Variants in ZSCAN25 observed in about 807,000 individuals in gnomAD.
The protein encoded by ZSCAN25 is zinc finger and SCAN domain-containing protein 25.
Under a neutral mutation model 38.7 loss-of-function variants are expected in ZSCAN25, and 27 were observed. The ratio of observed to expected loss-of-function variants is 0.70; its 90% CI spans 0.51 to 0.96. The LOEUF is 0.96. ZSCAN25 is among the 40% of genes least tolerant of loss of function. The probability of loss-of-function intolerance (pLI) is 0.00; values close to 1 mark genes in which losing one functional copy is unlikely to be tolerated. For synonymous variants in ZSCAN25, 273 were observed against 277.7 expected, an observed-to-expected ratio of 0.98 and a Z score of 0.17; for missense variants, 637 against 705.9, an observed-to-expected ratio of 0.90 and a Z score of 1.11.
At chr7:99,672,938 A>G in the ZSCAN25 span, 1 of 1,255,920 alleles carries the variant, frequency 8.0e-7, no homozygotes, top group Non-Finnish European at 1.0e-6. Context: ...AGAGCTCTTT[A>G]AAGAGATTAT....
chr7:99,711,687 G>A, the ZSCAN25 span, among the ~76,000 whole-genome samples: 12 of 152,176 alleles, frequency 7.9e-5, no homozygotes, highest in Non-Finnish European at 1.8e-4. Flanking sequence ...ATAATCGCTT[G>A]AATCTGGGAG....
intron 1 of ZSCAN25, chr7:99,618,235 A>G (rs1304561146): frequency 6.6e-6 from 1 of 152,146 alleles, no homozygotes; most frequent in Non-Finnish European, 1.5e-5. Context: ...TCTCCAGTCT[A>G]CTTCAAGCCT....
At chr7:99,646,899 T>C in the ZSCAN25 span, among the ~76,000 whole-genome samples, 3 of 142,734 alleles carry the variant, frequency 2.1e-5, no homozygotes, top group African/African-American at 9.1e-5. Context: ...CTATCTATTA[T>C]CTATCTATCA....
At chr7:99,682,635 A>AG in the ZSCAN25 span, among the ~76,000 whole-genome samples, 4 of 151,100 alleles carry the variant, frequency 2.6e-5, no homozygotes, top group African/African-American at 9.7e-5. Context: ...TACAAATTTT[A>AG]GGGTTTTTTT....
chr7:99,645,052 G>A, the ZSCAN25 span, among the ~76,000 whole-genome samples: 11 of 152,234 alleles, frequency 7.2e-5, no homozygotes, highest in Middle Eastern at 3.4e-3. Context: ...GTGCAATGGC[G>A]CGATCTTGGC....
At chr7:99,689,827 G>A in the ZSCAN25 span, among the ~76,000 whole-genome samples, 5 of 152,096 alleles carry the variant, frequency 3.3e-5, no homozygotes, top group Admixed American at 1.3e-4. Context: ...AGATCATTCC[G>A]TGCTCATGGG....
the ZSCAN25 span, among the ~76,000 whole-genome samples, chr7:99,682,116 G>T: frequency 6.6e-6 from 1 of 152,048 alleles, no homozygotes; most frequent in African/African-American, 2.4e-5. Flanking sequence ...CTACAGGCAC[G>T]CACCAGCATG....
the ZSCAN25 span, among the ~76,000 whole-genome samples, chr7:99,673,265 TGAA>T: frequency 6.6e-6 from 1 of 152,268 alleles, no homozygotes; most frequent in East Asian, 1.9e-4. Context: ...GGGGAGAAGA[TGAA>T]GAAGTACAAA....
chr7:99,731,014 C>G, the ZSCAN25 span: 1 of 1,609,632 alleles, frequency 6.2e-7, no homozygotes, highest in Admixed American at 1.7e-5. Context: ...CTAAGTTGCT[C>G]TTTGCAATCA....
the ZSCAN25 span, among the ~76,000 whole-genome samples, chr7:99,702,058 G>A: frequency 6.7e-6 from 1 of 149,988 alleles, no homozygotes; most frequent in South Asian, 2.1e-4. Context: ...GTTTCCTGTA[G>A]CAGTTTCATC....
downstream of ZSCAN25, among the ~76,000 whole-genome samples, chr7:99,632,986 G>GTTGTTGTTTTTTTTTTTTTTTTTTTT (rs1808107818): frequency 7.1e-6 from 1 of 141,482 alleles, no homozygotes; most frequent in African/African-American, 2.8e-5. Context: ...TGCATTTTCT[G>GTTGTTGTTTTTTTTTTTTTTTTTTTT]TTGTTTTTTT....
chr7:99,678,701 A>G, the ZSCAN25 span, among the ~76,000 whole-genome samples: 2 of 152,248 alleles, frequency 1.3e-5, no homozygotes, highest in African/African-American at 2.4e-5. Flanking sequence ...TTTAAACCAT[A>G]TCAATTCATT....
At chr7:99,622,496 G>A in intron 5 of ZSCAN25, 53 bp from the exon 6 acceptor site, 1 of 1,553,118 alleles carries the variant, frequency 6.4e-7, no homozygotes. Context: ...CGAGCTAACA[G>A]CATAACATCA....
At chr7:99,707,210 A>C in the ZSCAN25 span, among the ~76,000 whole-genome samples, 1 of 152,246 alleles carries the variant, frequency 6.6e-6, no homozygotes, top group Non-Finnish European at 1.5e-5. Flanking sequence ...TGAGGTCAGT[A>C]AGGATGGCCT....
chr7:99,681,182 T>C, the ZSCAN25 span, among the ~76,000 whole-genome samples: 5 of 152,320 alleles, frequency 3.3e-5, no homozygotes, highest in East Asian at 3.9e-4. Context: ...ATAATTGGAG[T>C]ACTTTCTTTA....
the ZSCAN25 span, among the ~76,000 whole-genome samples, chr7:99,646,797 T>TAC: frequency 0.13 from 18,024 of 142,020 alleles, 1,111 homozygotes; most frequent in East Asian, 0.19. Flanking sequence ...ATATGTTTTA[T>TAC]ACACACACAC....
At chr7:99,688,243 C>G in the ZSCAN25 span, among the ~76,000 whole-genome samples, 2 of 152,168 alleles carry the variant, frequency 1.3e-5, no homozygotes, top group South Asian at 4.1e-4. Flanking sequence ...GATAAAAAGT[C>G]AAGACCCATC....
chr7:99,702,321 C>T, the ZSCAN25 span, among the ~76,000 whole-genome samples: 52 of 152,098 alleles, frequency 3.4e-4, no homozygotes, highest in African/African-American at 1.2e-3. Flanking sequence ...GAACTCCTGA[C>T]CTCAAGTGAT....
the ZSCAN25 span, among the ~76,000 whole-genome samples, chr7:99,733,123 C>T: frequency 6.6e-6 from 1 of 152,356 alleles, no homozygotes; most frequent in African/African-American, 2.4e-5. Flanking sequence ...GAAGTGTGTG[C>T]ACCATCTACC....
Sources: allele counts gnomAD v4.1 joint callset (sites outside exome capture counted in the v4.1 genomes callset), GRCh38; gene constraint gnomAD v4.1.1; transcripts MANE v1.5; gene names NCBI Gene and HGNC (gene_info 2026-07-23, HGNC 2026-07-21).